The following HBP1 variants were observed in gnomAD, a reference collection of about 807,000 sequenced individuals.
The protein encoded by HBP1 is HMG-box transcription factor 1, also known as HMG box-containing protein 1.
A neutral mutation model predicts 62.6 loss-of-function variants in HBP1; 20 were observed. The ratio of observed to expected loss-of-function variants is 0.32; its 90% CI spans 0.22 to 0.46. The LOEUF is 0.46. Ranked by LOEUF, HBP1 falls within the 20% of genes least tolerant of loss-of-function variation. The probability of loss-of-function intolerance (pLI) is 1.00; values close to 1 mark genes in which losing one functional copy is unlikely to be tolerated. For synonymous variants in HBP1, 232 were observed against 206.2 expected, an observed-to-expected ratio of 1.12 and a Z score of -1.07; for missense variants, 480 against 611.8, an observed-to-expected ratio of 0.78 and a Z score of 2.27.
intron 1 of HBP1, among the ~76,000 whole-genome samples, chr7:107,174,185 G>A (rs972781372): frequency 3.9e-5 from 6 of 152,200 alleles, no homozygotes; most frequent in African/African-American, 1.4e-4. Flanking sequence ...CTGAGATTGA[G>A]TGAGTGACCT....
intron 10 of HBP1, chr7:107,200,642 C>T (rs1445009655): frequency 6.0e-6 from 1 of 166,650 alleles, no homozygotes; most frequent in African/African-American, 2.4e-5. Context: ...GAAAATTTCT[C>T]TAATAATTTT....
chr7:107,187,211 CCACTG>C (rs1562893937), intron 6 of HBP1, among the ~76,000 whole-genome samples: 1 of 151,950 alleles, frequency 6.6e-6, no homozygotes, highest in African/African-American at 2.4e-5. Context: ...CAAGATTGCG[CCACTG>C]CACTCTAGCC....
At position 107,195,974 on chromosome 7, in the gene HBP1, C is replaced by G; in HGVS notation, c.1208C>G (p.Pro403Arg). ...GGATTCAGTAAAAACTGTGGCTCAC[C>G]TGGATCATCACAGCTCTCTTCCAAT... is the stretch of plus-strand genomic sequence containing the variant. ...RSGFSKNCGSPGSSQLSSNSL... is the reference protein window; with the variant it reads ...RSGFSKNCGSRGSSQLSSNSL... The change falls in exon 9 of 11, where the codon CCT (proline) becomes CGT (arginine). Residue 403 changes from proline (P) to arginine (R), a missense_variant. By Grantham distance (103) the Pro-to-Arg change is moderately radical. Around this residue, in one of 4 missense-constraint regions of HBP1, gnomAD observed 66 missense variants for 56.4 expected, o/e 1.17. Coordinates refer to ENST00000222574, the MANE Select transcript of HBP1 (RefSeq NM_012257.4). 1 of 1,614,088 alleles carries G rather than the reference C, an allele frequency of 6.2e-7. No homozygotes were observed. Among genetic ancestry groups the G allele is most frequent in the African/African-American group, 1.3e-5 (1 of 75,030 alleles).
chr7:107,172,298 T>C, intron 1 of HBP1, among the ~76,000 whole-genome samples: 1 of 152,220 alleles, frequency 6.6e-6, no homozygotes, highest in East Asian at 1.9e-4. Flanking sequence ...AAAATATTGT[T>C]TGTGCTTACT....
chr7:107,175,952 G>A (rs759839964), intron 1 of HBP1, among the ~76,000 whole-genome samples: 35 of 151,930 alleles, frequency 2.3e-4, no homozygotes, highest in Non-Finnish European at 3.8e-4. Context: ...CCCAGACCTC[G>A]TGATCTGCCC....
At position 107,201,753 on chromosome 7, in the gene HBP1, CAT is replaced by C. The variant is rs772552151; in HGVS notation, c.*323_*324del. On this transcript the variant is annotated 3_prime_UTR_variant, in exon 11 of 11. Transcript: ENST00000222574. ...AGTAGAAAGAGAGGAGAAGTGTATA[CAT>C]GTTTTATTTTAAATTGTACGAAAGG... The C allele has an allele frequency of 1.6e-5, 4 of 254,656 alleles. No individual in the cohort carries two copies. Among genetic ancestry groups the C allele is most frequent in the Admixed American group, 5.3e-5 (1 of 18,798 alleles). The allele number at this position is 254,656 out of a possible 1,614,324, so 15.8% of individuals were successfully genotyped here. A position where few individuals can be genotyped will look rare whatever the true frequency, so the allele number is the denominator to read the frequency against.
intron 1 of HBP1, among the ~76,000 whole-genome samples, chr7:107,171,699 A>C (rs1056570268): frequency 1.9e-4 from 29 of 151,914 alleles, no homozygotes; most frequent in Non-Finnish European, 3.8e-4. Flanking sequence ...TTGTCTATTA[A>C]AAATACAACA....
At chr7:107,198,348 A>G (rs938103494) in intron 9 of HBP1, among the ~76,000 whole-genome samples, 7 of 151,934 alleles carry the variant, frequency 4.6e-5, no homozygotes, top group African/African-American at 1.4e-4. Flanking sequence ...AGCTTGAACT[A>G]TAGGCATGCA....
chr7:107,169,985 A>G, intron 1 of HBP1: 1 of 985,438 alleles, frequency 1.0e-6, no homozygotes, highest in East Asian at 1.1e-4. Context: ...AAAACAAACC[A>G]GGCGAAGTGG....
chr7:107,169,102 G>A lies in HBP1; in HGVS notation c.-99G>A. ...AACCCGCGCGGGGGAGGCCGACGTC[G>A]GTCGGAGAGGGGGTACGAGAGCTGC... On this transcript the variant is annotated 5_prime_UTR_variant, in exon 1 of 11. Transcript: ENST00000222574. The A allele has an allele frequency of 7.8e-7, 1 of 1,281,542 alleles. No individual in the cohort carries two copies. Among genetic ancestry groups the A allele is most frequent in the Non-Finnish European group, 1.0e-6 (1 of 984,332 alleles). The allele number at this position is 1,281,542 out of a possible 1,614,324, so 79.4% of individuals were successfully genotyped here. A position where few individuals can be genotyped will look rare whatever the true frequency, so the allele number is the denominator to read the frequency against.
At chr7:107,200,080 T>G in intron 9 of HBP1, 80 bp from the exon 10 acceptor site, 1 of 1,149,264 alleles carries the variant, frequency 8.7e-7, no homozygotes, top group Non-Finnish European at 1.2e-6. Context: ...CTTCACATTT[T>G]TCTCCTGAAG....
intron 2 of HBP1, among the ~76,000 whole-genome samples, chr7:107,181,792 C>T (rs1280325519): frequency 6.6e-6 from 1 of 151,254 alleles, no homozygotes; most frequent in East Asian, 1.9e-4. Context: ...AATTCATGTT[C>T]CTTATAGTGC....
intron 1 of HBP1, chr7:107,169,728 T>C (rs1214874031): frequency 7.1e-6 from 7 of 983,822 alleles, no homozygotes. Context: ...GCAGTTCGAA[T>C]GAATGGGCTC....
intron 1 of HBP1, chr7:107,173,510 C>T (rs1796702345): frequency 1.3e-5 from 2 of 152,284 alleles, no homozygotes; most frequent in Admixed American, 6.5e-5. Context: ...TCCTGTTTTC[C>T]TCATCCATAA....
In HBP1 at chr7:107,201,472, A is replaced by G; in HGVS notation, c.*41A>G. 1 of 1,341,952 alleles carries G rather than the reference A, an allele frequency of 7.5e-7. No homozygotes were observed. Among genetic ancestry groups the G allele is most frequent in the Non-Finnish European group, 1.1e-6 (1 of 935,958 alleles). 83.1% of individuals were successfully genotyped at this position (1,341,952 alleles called of 1,614,324 possible). On this transcript the variant is annotated 3_prime_UTR_variant, in exon 11 of 11. Transcript: ENST00000222574. ...TTCTTAAGTCTATATTTGCATATAC[A>G]TTGACTCTTGATGGAAAGACTTAAG...
chr7:107,170,218 C>A, intron 1 of HBP1: 1 of 758,142 alleles, frequency 1.3e-6, no homozygotes, highest in Non-Finnish European at 1.6e-6. Flanking sequence ...AGGAGTTATA[C>A]ATACTGGGAA....
Position 107,201,754 on chromosome 7 carries a change from A to ATGTT in HBP1, c.*325_*328dup. The ATGTT allele has an allele frequency of 4.0e-6, 1 of 253,036 alleles. No individual in the cohort carries two copies. Among genetic ancestry groups the ATGTT allele is most frequent in the Non-Finnish European group, 7.5e-6 (1 of 133,658 alleles). The allele number at this position is 253,036 out of a possible 1,614,324, so 15.7% of individuals were successfully genotyped here. A position where few individuals can be genotyped will look rare whatever the true frequency, so the allele number is the denominator to read the frequency against. ...GTAGAAAGAGAGGAGAAGTGTATACATGTTTTATTTTAAATTGTACGAAAG... is the reference window on the plus strand; with the variant it reads ...GTAGAAAGAGAGGAGAAGTGTATACATGTTTGTTTTATTTTAAATTGTACGAAAG... On this transcript the variant is annotated 3_prime_UTR_variant, in exon 11 of 11. Coordinates refer to ENST00000222574, the MANE Select transcript of HBP1 (RefSeq NM_012257.4).
intron 1 of HBP1, chr7:107,169,773 A>T (rs919385641): frequency 2.8e-5 from 28 of 984,868 alleles, no homozygotes; most frequent in Non-Finnish European, 3.1e-5. Context: ...AGCCGAGGGG[A>T]AAAACAAGCC....
intron 9 of HBP1, among the ~76,000 whole-genome samples, chr7:107,197,518 G>A (rs1171423002): frequency 6.6e-6 from 1 of 152,032 alleles, no homozygotes; most frequent in East Asian, 1.9e-4. Context: ...ACGGGCATGC[G>A]CCACTACACC....
Sources: allele counts gnomAD v4.1 joint callset (sites outside exome capture counted in the v4.1 genomes callset), GRCh38; gene constraint gnomAD v4.1.1; regional missense constraint gnomAD v4.1.1; transcripts MANE v1.5; gene names NCBI Gene and HGNC (gene_info 2026-07-23, HGNC 2026-07-21).